The following MIR2052HG variants were observed in gnomAD, a reference collection of about 807,000 sequenced individuals.
MIR2052HG encodes the protein MIR2052 host gene.
intron 4 of MIR2052HG, among the ~76,000 whole-genome samples, chr8:74,715,684 G>A (rs1809512810): frequency 6.6e-6 from 1 of 152,140 alleles, no homozygotes; most frequent in Non-Finnish European, 1.5e-5. Context: ...TACAAATGGA[G>A]GGTGTAACTT....
Position 74,742,465 on chromosome 8 carries a change from T to G in MIR2052HG, n.372-9976T>G, listed in dbSNP as rs189438180. Among the ~76,000 whole-genome samples the G allele has an allele frequency of 7.2e-5, 11 of 152,300 alleles. No individual in the cohort carries two copies. The East Asian group carries it at 1.9e-3, about 27-fold the overall frequency. On this transcript the variant is annotated intron_variant and non_coding_transcript_variant, in intron 4 of 6. Coordinates refer to ENST00000523442, the Ensembl canonical transcript of MIR2052HG. ...TTTAAAAATAGAATCTATGAAGAAT[T>G]ATATCTGGTTAGTTGTTGCTTCATC...
At chr8:74,716,187 T>A (rs1425728507) in intron 4 of MIR2052HG, among the ~76,000 whole-genome samples, 1 of 152,040 alleles carries the variant, frequency 6.6e-6, no homozygotes, top group East Asian at 1.9e-4. Context: ...TGGTGTAGTC[T>A]CCTCTCGCAC....
At chr8:74,612,965 T>C (rs1392843451) in intron 2 of MIR2052HG, 2 of 455,770 alleles carry the variant, frequency 4.4e-6, no homozygotes, top group Non-Finnish European at 4.4e-6. Flanking sequence ...TGAGTGCAGC[T>C]GCACTGTGTG....
chr8:74,739,694 G>T (rs1809806398), intron 4 of MIR2052HG, among the ~76,000 whole-genome samples: 1 of 152,060 alleles, frequency 6.6e-6, no homozygotes, highest in African/African-American at 2.4e-5. Flanking sequence ...TACATATGTG[G>T]GTTATCTTGT....
chr8:74,718,743 C>T lies in MIR2052HG; in HGVS notation n.371+15061C>T, dbSNP rs957615004. ...ATGGTGAGGACTGTCTTCTGGGTTGCGACTGTCAACTTCTTGTTGTATCCT... is the reference window on the plus strand; with the variant it reads ...ATGGTGAGGACTGTCTTCTGGGTTGTGACTGTCAACTTCTTGTTGTATCCT... On this transcript the variant is annotated intron_variant and non_coding_transcript_variant, in intron 4 of 6. Transcript: ENST00000523442. Among the ~76,000 whole-genome samples, 5 of 152,218 alleles carry T rather than the reference C, an allele frequency of 3.3e-5. No homozygotes were observed. The South Asian group carries it at 6.2e-4, about 19-fold the overall frequency.
At position 74,701,022 on chromosome 8, in the gene MIR2052HG, A is replaced by G. The variant is rs369739359; in HGVS notation, n.217-1357A>G. ...TTTGTTTCTAAGATATCACACAGAA[A>G]TACAGTATAAGAGCACTTTTCTCCT... On this transcript the variant is annotated intron_variant and non_coding_transcript_variant, in intron 2 of 6. Transcript: ENST00000523442. Among the ~76,000 whole-genome samples the G allele has an allele frequency of 1.6e-4, 24 of 152,268 alleles. No individual in the cohort carries two copies. The East Asian group carries it at 3.9e-3, about 25-fold the overall frequency.
intron 2 of MIR2052HG, among the ~76,000 whole-genome samples, chr8:74,692,919 G>T (rs917911091): frequency 6.6e-6 from 1 of 152,066 alleles, no homozygotes; most frequent in Non-Finnish European, 1.5e-5. Flanking sequence ...CTTTCTCGGG[G>T]TATGATTTGG....
At chr8:74,733,050 ATTTAT>A (rs1007099342) in intron 4 of MIR2052HG, among the ~76,000 whole-genome samples, 1 of 92,322 alleles carries the variant, frequency 1.1e-5, no homozygotes, top group African/African-American at 1.2e-4. Flanking sequence ...ATTAGGAGAC[ATTTAT>A]TTATTTATTT....
chr8:74,659,840 G>C (rs564264133), intron 2 of MIR2052HG, among the ~76,000 whole-genome samples: 1 of 152,140 alleles, frequency 6.6e-6, no homozygotes, highest in Non-Finnish European at 1.5e-5. Context: ...TCTCAATTTT[G>C]AACCAAGCTA....
intron 2 of MIR2052HG, among the ~76,000 whole-genome samples, chr8:74,618,193 C>G (rs993051576): frequency 6.6e-6 from 1 of 152,220 alleles, no homozygotes; most frequent in African/African-American, 2.4e-5. Context: ...TGCTTCTGAT[C>G]AGCAGGCACT....
At chr8:74,680,732 T>G (rs189296132) in intron 2 of MIR2052HG, among the ~76,000 whole-genome samples, 9 of 152,272 alleles carry the variant, frequency 5.9e-5, no homozygotes, top group Admixed American at 2.0e-4. Flanking sequence ...CAAAGGACTA[T>G]AAATCATGCT....
chr8:74,752,723 C>T (rs890355247), intron 5 of MIR2052HG, among the ~76,000 whole-genome samples: 22 of 152,310 alleles, frequency 1.4e-4, no homozygotes, highest in East Asian at 3.9e-4. Context: ...TAGTAACAGT[C>T]TCTCCTTGGC....
At position 74,680,647 on chromosome 8, in the gene MIR2052HG, C is replaced by A. The variant is rs1202763522; in HGVS notation, n.217-21732C>A. ...AAACTAGTTCAACCATTGTGGAAGT[C>A]AGTGTGGCAATTCCTCAGGGATCTA... is the stretch of plus-strand genomic sequence containing the variant. On this transcript the variant is annotated intron_variant and non_coding_transcript_variant, in intron 2 of 6. Transcript: ENST00000523442. Among the ~76,000 whole-genome samples the A allele has an allele frequency of 2.0e-5, 3 of 152,172 alleles. No individual in the cohort carries two copies. The East Asian group carries it at 5.8e-4, about 29-fold the overall frequency.
rs79682432 is a variant in MIR2052HG at position 74,730,641 on chromosome 8, G to A, written n.372-21800G>A. Among the ~76,000 whole-genome samples, 989 of 152,158 alleles carry A rather than the reference G, an allele frequency of 6.5e-3. 13 individuals carry two copies. The highest frequency in any genetic ancestry group is 0.023 in the African/African-American group (949 of 41,534). On this transcript the variant is annotated intron_variant and non_coding_transcript_variant, in intron 4 of 6. Transcript: ENST00000523442. Reference sequence around the variant, plus strand: ...TAGTGTGTGGGTAGGAGTAGATATTGGCATAACTGTTTTGGAAGGCAACTT... The same window carrying A: ...TAGTGTGTGGGTAGGAGTAGATATTAGCATAACTGTTTTGGAAGGCAACTT...
Position 74,684,651 on chromosome 8 carries a change from C to T in MIR2052HG, n.217-17728C>T, listed in dbSNP as rs1017136555. Among the ~76,000 whole-genome samples the T allele has an allele frequency of 2.2e-4, 33 of 151,954 alleles. 1 individual carries two copies. The highest frequency in any genetic ancestry group is 6.6e-5 in the Admixed American group (1 of 15,236). On this transcript the variant is annotated intron_variant and non_coding_transcript_variant, in intron 2 of 6. Transcript: ENST00000523442. Reference sequence around the variant, plus strand: ...AAGCACTTAGAGTAAATAGAAAAGACTTTCATTGTTTTTTGTTGACTTGCA... The same window carrying T: ...AAGCACTTAGAGTAAATAGAAAAGATTTTCATTGTTTTTTGTTGACTTGCA...
chr8:74,694,387 C>T (rs1809274509), intron 2 of MIR2052HG, among the ~76,000 whole-genome samples: 1 of 152,170 alleles, frequency 6.6e-6, no homozygotes, highest in South Asian at 2.1e-4. Flanking sequence ...TCTTCCCTCT[C>T]ACATAGGTCT....
intron 5 of MIR2052HG, among the ~76,000 whole-genome samples, chr8:74,753,841 T>G (rs1586932515): frequency 6.6e-6 from 1 of 152,218 alleles, no homozygotes; most frequent in Non-Finnish European, 1.5e-5. Context: ...ACTATGCTCT[T>G]CTCTTAATGT....
At chr8:74,664,777 C>A (rs1197882361) in intron 2 of MIR2052HG, among the ~76,000 whole-genome samples, 1 of 152,184 alleles carries the variant, frequency 6.6e-6, no homozygotes, top group Non-Finnish European at 1.5e-5. Context: ...CTCAGCCTCT[C>A]AAAGTGCTGG....
intron 2 of MIR2052HG, among the ~76,000 whole-genome samples, chr8:74,646,611 A>G (rs1005293522): frequency 6.6e-6 from 1 of 152,174 alleles, no homozygotes; most frequent in Non-Finnish European, 1.5e-5. Context: ...GCATTCACAT[A>G]TAACACTGGA....
Sources: gnomAD v4.1 joint callset for allele counts (sites outside exome capture counted in the v4.1 genomes callset) on GRCh38, gnomAD v4.1.1 for gene constraint, MANE v1.5 for transcripts, NCBI Gene and HGNC (gene_info 2026-07-23, HGNC 2026-07-21) for gene names.